WASHC2C: variants seen among roughly 807,000 people sequenced by gnomAD.
WASHC2C encodes the protein Vaccinia Penetration Factor.
WASHC2C carries 73 observed loss-of-function variants against 142.2 expected under a neutral mutation model. The observed-to-expected ratio is 0.51, with a 90% CI of 0.43 to 0.62. The LOEUF (loss-of-function observed/expected upper bound fraction) is 0.62, where lower values mean the gene tolerates loss of function less well. Ranked by LOEUF, WASHC2C falls within the 20% of genes least tolerant of loss-of-function variation. The pLI, the probability that WASHC2C is intolerant of heterozygous loss-of-function variation, is 0.00. For synonymous variants in WASHC2C, 337 were observed against 565.5 expected (o/e 0.60, Z 5.73); for missense variants, 969 against 1,531.7 (o/e 0.63, Z 6.13).
chr10:45,732,223 T>G (rs1191942998), intron 3 of WASHC2C, among the ~76,000 whole-genome samples: 4 of 152,228 alleles, frequency 2.6e-5, no homozygotes, highest in Non-Finnish European at 4.4e-5. Context: ...CAGATAGGTT[T>G]CTGGGTTTTA....
Position 45,751,589 on chromosome 10 carries a change from C to A in WASHC2C, c.1003+36C>A, listed in dbSNP as rs1219649501. On this transcript the variant is annotated intron_variant, in intron 11 of 30. Coordinates refer to ENST00000623400, the MANE Select transcript of WASHC2C (RefSeq NM_001330074.2). ...TCCCTCAATTCTGTTATTTTAGGAG[C>A]CTGTTGACTAAGGAATGTTGCTTAC... 3.1e-6 allele frequency: 3 copies of A among 953,246 alleles called. No individual in the cohort carries two copies. The South Asian group carries it at 5.2e-5, about 17-fold the overall frequency. The allele number at this position is 953,246 out of a possible 1,614,324, so 59.0% of individuals were successfully genotyped here. A position where few individuals can be genotyped will look rare whatever the true frequency, so the allele number is the denominator to read the frequency against.
chr10:45,750,889 C>T, intron 10 of WASHC2C, 51 bp downstream of exon 10: 1 of 1,485,104 alleles, frequency 6.7e-7, no homozygotes, highest in South Asian at 1.3e-5. Context: ...GTGCAGGGCC[C>T]TCTGCTGGCT....
chr10:45,735,597 G>A lies in WASHC2C; in HGVS notation c.292-2386G>A, dbSNP rs537307670. 2.0e-3 allele frequency among the ~76,000 whole-genome samples: 304 copies of A among 152,288 alleles called. 3 individuals carry two copies. The highest frequency in any genetic ancestry group is 3.6e-3 in the Non-Finnish European group (247 of 68,026). Reference sequence around the variant, plus strand: ...TTGTGCCACAGAATATTTTATTAGCGTTTGATTGGAATTACATAGAATTAT... The same window carrying A: ...TTGTGCCACAGAATATTTTATTAGCATTTGATTGGAATTACATAGAATTAT... On this transcript the variant is annotated intron_variant, in intron 3 of 30. Transcript: ENST00000623400.
intron 27 of WASHC2C, 76 bp from the exon 28 acceptor site, chr10:45,786,959 C>T: frequency 1.9e-6 from 3 of 1,611,828 alleles, no homozygotes; most frequent in Non-Finnish European, 2.5e-6. Flanking sequence ...TGTACCGAAT[C>T]TTGTCATGTG....
At chr10:45,739,882 AAAC>A (rs2051783902) in intron 4 of WASHC2C, among the ~76,000 whole-genome samples, 188 bp from the exon 5 acceptor site, 1 of 149,988 alleles carries the variant, frequency 6.7e-6, no homozygotes, top group Non-Finnish European at 1.5e-5. Flanking sequence ...AGAAAGGGGC[AAAC>A]TTGGGATTTA....
intron 8 of WASHC2C, among the ~76,000 whole-genome samples, chr10:45,747,954 T>C (rs1186420124): frequency 9.3e-5 from 12 of 128,802 alleles, no homozygotes; most frequent in Non-Finnish European, 1.6e-4. Context: ...TATAGAGTTA[T>C]GTTAATAACT....
At chr10:45,753,825 G>GT (rs531628513) in intron 13 of WASHC2C, among the ~76,000 whole-genome samples, 8,166 of 137,312 alleles carry the variant, frequency 0.059, 268 homozygotes, top group African/African-American at 0.096. Context: ...ATATAAATAT[G>GT]TTTTTTTTTT....
At chr10:45,742,866 G>C (rs1320091098) in intron 5 of WASHC2C, among the ~76,000 whole-genome samples, 1 of 151,000 alleles carries the variant, frequency 6.6e-6, no homozygotes, top group Non-Finnish European at 1.5e-5. Flanking sequence ...CTTTACTTTG[G>C]CATCTTTTTT....
At chr10:45,739,810 C>CCT (rs1329115133) in intron 4 of WASHC2C, among the ~76,000 whole-genome samples, 2 of 151,978 alleles carry the variant, frequency 1.3e-5, no homozygotes, top group Admixed American at 1.3e-4. Context: ...ACTAGTTGTA[C>CCT]CTCTGCTTTT....
At chr10:45,736,405 CAA>C (rs71520974) in intron 3 of WASHC2C, among the ~76,000 whole-genome samples, 439 of 24,486 alleles carry the variant, frequency 0.018, no homozygotes, top group East Asian at 0.052. Flanking sequence ...GACTCCATCT[CAA>C]AAAAAAAAAA....
At chr10:45,741,628 A>G (rs2052058663) in intron 5 of WASHC2C, among the ~76,000 whole-genome samples, 1 of 151,910 alleles carries the variant, frequency 6.6e-6, no homozygotes, top group Non-Finnish European at 1.5e-5. Flanking sequence ...AACCTTCCCA[A>G]TCTTTCTGTT....
intron 28 of WASHC2C, among the ~76,000 whole-genome samples, chr10:45,787,577 G>C (rs1589965340): frequency 6.7e-6 from 1 of 150,178 alleles, no homozygotes; most frequent in Admixed American, 6.7e-5. Flanking sequence ...CCTCCTGCTG[G>C]CGCTTCCTCA....
At chr10:45,744,658 A>AT (rs2052588173) in intron 6 of WASHC2C, among the ~76,000 whole-genome samples, 163 bp from the exon 7 acceptor site, 1 of 151,064 alleles carries the variant, frequency 6.6e-6, no homozygotes, top group Admixed American at 6.6e-5. Flanking sequence ...GACTACATAA[A>AT]TATGTAATTC....
chr10:45,781,014 G>A (rs1240629984), intron 23 of WASHC2C, among the ~76,000 whole-genome samples: 3 of 151,434 alleles, frequency 2.0e-5, no homozygotes, highest in African/African-American at 7.3e-5. Flanking sequence ...TTAGCCTCCC[G>A]AAGTGCTGGG....
intron 24 of WASHC2C, 62 bp downstream of exon 24, chr10:45,784,755 C>T (rs552099773): frequency 6.3e-7 from 1 of 1,592,396 alleles, no homozygotes; most frequent in Non-Finnish European, 8.6e-7. Flanking sequence ...GTCTCAACAG[C>T]TCACCTAGTT....
At chr10:45,784,281 T>TATATATAC (rs2057812994) in intron 23 of WASHC2C, among the ~76,000 whole-genome samples, 1 of 9,042 alleles carries the variant, frequency 1.1e-4, no homozygotes, top group Non-Finnish European at 3.8e-4. Context: ...TATATATATA[T>TATATATAC]ATATATATAC....
At position 45,763,488 on chromosome 10, in the gene WASHC2C, A is replaced by G; in HGVS notation, c.1736A>G (p.Glu579Gly). The change falls in exon 18 of 31, where the codon GAG becomes GGG. Residue 579 changes from glutamate to glycine, a missense_variant and splice_region_variant. Transcript: ENST00000623400. ...SVSLFDDEDE[E>G]DNLFGGTAAK... ...TCCCTGTTTGATGATGAAGATGAAG[A>G]GGTAAACATTGTTATTGTAACACTA... 1.6e-6 allele frequency: 1 copy of G among 625,028 alleles called. No individual in the cohort carries two copies. The allele number at this position is 625,028 out of a possible 1,614,324, so 38.7% of individuals were successfully genotyped here.
intron 27 of WASHC2C, 73 bp from the exon 28 acceptor site, chr10:45,786,962 G>C: frequency 6.2e-7 from 1 of 1,611,798 alleles, no homozygotes; most frequent in South Asian, 1.1e-5. Flanking sequence ...ACCGAATCTT[G>C]TCATGTGTCA....
intron 16 of WASHC2C, among the ~76,000 whole-genome samples, chr10:45,758,773 A>G (rs1178557927): frequency 2.0e-5 from 3 of 150,734 alleles, no homozygotes; most frequent in Non-Finnish European, 4.4e-5. Context: ...ATGCCCGGCT[A>G]ATTTTTTGTG....
Sources: allele counts gnomAD v4.1 joint callset (sites outside exome capture counted in the v4.1 genomes callset), GRCh38; gene constraint gnomAD v4.1.1; transcripts MANE v1.5; gene names NCBI Gene and HGNC (gene_info 2026-07-23, HGNC 2026-07-21).